The following TSPEAR variants were observed in gnomAD, a reference collection of about 807,000 sequenced individuals.
The protein encoded by TSPEAR is thrombospondin-type laminin G domain and EAR repeat-containing protein.
In TSPEAR, 69 loss-of-function variants were observed where a neutral mutation model predicts 71.6. That is an observed-to-expected ratio of 0.96 (90% CI 0.79 to 1.18). The LOEUF (loss-of-function observed/expected upper bound fraction) is 1.18. TSPEAR is among the 50% of genes most tolerant of loss of function. The pLI is 0.00. For missense variants in TSPEAR, 971 were observed against 894.9 expected (o/e 1.09, Z -1.09); for synonymous variants, 402 against 387.2 (o/e 1.04, Z -0.45).
In TSPEAR at chr21:44,529,882, G is replaced by A; in HGVS notation, c.706C>T (p.Pro236Ser). ...CGTGGGATGGACAGCACCGCCAGCGGGGCGTTCCTGCTGGGACACAGCCTT... is the reference window on the plus strand; with the variant it reads ...CGTGGGATGGACAGCACCGCCAGCGAGGCGTTCCTGCTGGGACACAGCCTT... ...TPRLCPSRNA[P>S]LAVLSIPRVL... Residue 236 changes from proline to serine, a missense_variant, in exon 5 of 12, where the codon CCG (proline) becomes TCG (serine). By Grantham distance (74) the Pro-to-Ser change is moderately conservative. Transcript: ENST00000323084. 3 of 1,613,480 alleles carry A rather than the reference G, an allele frequency of 1.9e-6. No individual in the cohort carries two copies. Among genetic ancestry groups the A allele is most frequent in the Non-Finnish European group, 2.5e-6 (3 of 1,179,914 alleles).
intron 9 of TSPEAR, among the ~76,000 whole-genome samples, chr21:44,510,164 A>G (rs1345132579): frequency 6.6e-6 from 1 of 152,178 alleles, no homozygotes. Context: ...CACAAGGCGG[A>G]AGCTTCTGCC....
rs2052706072 is a variant in TSPEAR at position 44,520,199 on chromosome 21, A to G, written c.1566+1684T>C. On this transcript the variant is annotated intron_variant, in intron 9 of 11. Coordinates refer to ENST00000323084, the MANE Select transcript of TSPEAR (RefSeq NM_144991.3). This position sits in a 1 kb window ranked among gnomAD's most constrained non-coding sequence, Gnocchi z 4.2. ...GCTCACTCCCTCCCAGCCACCGACCAGTCATTATCGTGCAGCCCTGTCAAC... is the reference window on the plus strand; with the variant it reads ...GCTCACTCCCTCCCAGCCACCGACCGGTCATTATCGTGCAGCCCTGTCAAC... 1.3e-5 allele frequency: 2 copies of G among 152,090 alleles called. No homozygotes were observed. Among genetic ancestry groups the G allele is most frequent in the African/African-American group, 2.4e-5 (1 of 41,398 alleles). 9.4% of individuals were successfully genotyped at this position (152,090 alleles called of 1,614,324 possible). A position where few individuals can be genotyped will look rare whatever the true frequency, so the allele number is the denominator to read the frequency against.
intron 1 of TSPEAR, chr21:44,627,407 G>A (rs1555934627): frequency 6.2e-7 from 1 of 1,613,798 alleles, no homozygotes; most frequent in Non-Finnish European, 8.5e-7. Flanking sequence ...ACGCCCTCGT[G>A]CTGCCAGCAG....
At chr21:44,665,154 G>A (rs1181321762) in intron 1 of TSPEAR, among the ~76,000 whole-genome samples, 1 of 152,176 alleles carries the variant, frequency 6.6e-6, no homozygotes, top group Non-Finnish European at 1.5e-5. Flanking sequence ...TTTATCCAAA[G>A]CCTCCCAGTT....
In TSPEAR at chr21:44,695,305, A is replaced by G. The variant is rs1987285645; in HGVS notation, c.82+16128T>C. On this transcript the variant is annotated intron_variant, in intron 1 of 11. Transcript: ENST00000323084. The surrounding 1 kb of genome is among the most constrained non-coding windows in gnomAD (Gnocchi z 4.5). The stretch of plus-strand genomic sequence containing the variant: ...TCTCAGGTACGCAAGTGCACCACAG[A>G]CTCTGATATGTACAGAACAGGCCCC... Among the ~76,000 whole-genome samples the G allele has an allele frequency of 6.6e-6, 1 of 151,716 alleles. No individual in the cohort carries two copies. Among genetic ancestry groups the G allele is most frequent in the Non-Finnish European group, 1.5e-5 (1 of 67,956 alleles).
intron 1 of TSPEAR, among the ~76,000 whole-genome samples, chr21:44,624,175 T>C (rs1323779844): frequency 6.6e-6 from 1 of 152,256 alleles, no homozygotes; most frequent in Non-Finnish European, 1.5e-5. Context: ...TTTGGTTTTG[T>C]CTAATATGTT....
In TSPEAR at chr21:44,506,431, G is replaced by T. The variant is rs916669935; in HGVS notation, c.1755-1550C>A. Among the ~76,000 whole-genome samples the T allele has an allele frequency of 3.9e-5, 6 of 152,266 alleles. No individual in the cohort carries two copies. The highest frequency in any genetic ancestry group is 8.8e-5 in the Non-Finnish European group (6 of 68,042). ...TGTGGCCAGTTCAGGCAGCAGAGGG[G>T]CCTCATCCCGGTGCTTCCCTGCAGG... On this transcript the variant is annotated intron_variant, in intron 10 of 11. Coordinates refer to ENST00000323084, the MANE Select transcript of TSPEAR (RefSeq NM_144991.3). This position sits in a 1 kb window ranked among gnomAD's most constrained non-coding sequence, Gnocchi z 4.2.
rs1440666801 is a variant in TSPEAR, at chr21:44,504,778, A to G, written c.1856+2T>C. ...AGGAGGCCGGCCTCGGCAGCTCATT[A>G]CCTGTAAATAATACTGTTCACCGAG... On this transcript the variant is annotated splice_donor_variant, in intron 11 of 11. Coordinates refer to ENST00000323084, the MANE Select transcript of TSPEAR (RefSeq NM_144991.3). LOFTEE classifies it high-confidence loss of function. 1.9e-5 allele frequency: 30 copies of G among 1,611,614 alleles called. No homozygotes were observed. Among genetic ancestry groups the G allele is most frequent in the Non-Finnish European group, 2.5e-5 (29 of 1,178,008 alleles).
chr21:44,607,182 C>A (rs147034905), intron 1 of TSPEAR, among the ~76,000 whole-genome samples: 1 of 152,144 alleles, frequency 6.6e-6, no homozygotes, highest in Admixed American at 6.5e-5. Context: ...CGGGTTCAAG[C>A]AATTCTTGTG....
chr21:44,525,759 C>G lies in TSPEAR; in HGVS notation c.1230G>C (p.Lys410Asn). The G allele has an allele frequency of 1.2e-6, 2 of 1,614,192 alleles. No homozygotes were observed. The highest frequency in any genetic ancestry group is 1.7e-6 in the Non-Finnish European group (2 of 1,180,042). ...FSVIYKWSHR[K>N]LKFTPYQSIA... ...TGCTCTGATATGGGGTAAACTTCAGCTTTCTGTGGCTCCATTTGTAAATGA... is the reference window on the plus strand; with the variant it reads ...TGCTCTGATATGGGGTAAACTTCAGGTTTCTGTGGCTCCATTTGTAAATGA... Residue 410 changes from lysine to asparagine, a missense_variant, in exon 8 of 12, where the codon AAG becomes AAC. Coordinates refer to ENST00000323084, the MANE Select transcript of TSPEAR (RefSeq NM_144991.3).
intron 1 of TSPEAR, among the ~76,000 whole-genome samples, chr21:44,579,260 C>T (rs2146097684): frequency 6.6e-6 from 1 of 152,254 alleles, no homozygotes; most frequent in Non-Finnish European, 1.5e-5. Flanking sequence ...CAGGAAGACC[C>T]AGGCATGGAG....
At position 44,546,156 on chromosome 21, in the gene TSPEAR, A is replaced by G. The variant is rs1569177959; in HGVS notation, c.304-12233T>C. ...GAATACTATGAAAATTTGTACACCA[A>G]CAAATTAGATAACTAATATGTAATG... On this transcript the variant is annotated intron_variant, in intron 2 of 11. Transcript: ENST00000323084. The surrounding 1 kb of genome is among the most constrained non-coding windows in gnomAD (Gnocchi z 4.4). 6.6e-6 allele frequency among the ~76,000 whole-genome samples: 1 copy of G among 152,198 alleles called. No homozygotes were observed. Among genetic ancestry groups the G allele is most frequent in the Non-Finnish European group, 1.5e-5 (1 of 68,044 alleles).
chr21:44,601,702 G>C (rs782727225), intron 1 of TSPEAR: 15 of 1,611,814 alleles, frequency 9.3e-6, no homozygotes, highest in Non-Finnish European at 1.3e-5. Flanking sequence ...GGCCTGCTGT[G>C]GCCCCACCTC....
intron 1 of TSPEAR, among the ~76,000 whole-genome samples, chr21:44,624,080 C>G (rs1982620017): frequency 6.6e-6 from 1 of 152,160 alleles, no homozygotes; most frequent in African/African-American, 2.4e-5. Flanking sequence ...GCTTACTACT[C>G]CACTTTCTTC....
At position 44,528,562 on chromosome 21, in the gene TSPEAR, A is replaced by T; in HGVS notation, c.812T>A (p.Leu271Gln). The change falls in exon 6 of 12, where the codon CTG (leucine) becomes CAG (glutamine). Residue 271 changes from leucine (L) to glutamine (Q), a missense_variant. Coordinates refer to ENST00000323084, the MANE Select transcript of TSPEAR (RefSeq NM_144991.3). ...CTCGGTACACGGTGGCTGGGGTCCC[A>T]GCGTCACTCGAATGTTGGTTTCTGA... ...YPYETNIRVT[L>Q]GPQPPCTEVE... 1 of 1,614,086 alleles carries T rather than the reference A, an allele frequency of 6.2e-7. No individual in the cohort carries two copies. Among genetic ancestry groups the T allele is most frequent in the South Asian group, 1.1e-5 (1 of 91,074 alleles).
rs117151588 is a variant in TSPEAR at position 44,625,966 on chromosome 21, G to A, written c.83-57961C>T. Among the ~76,000 whole-genome samples the A allele has an allele frequency of 2.8e-4, 42 of 152,346 alleles. No homozygotes were observed. The East Asian group carries it at 7.5e-3, about 27-fold the overall frequency. ...ACAACCTGGGCAGCACTGGTGGGGT[G>A]TGGCAGCTGGCCATAGCTGGTCAAC... On this transcript the variant is annotated intron_variant, in intron 1 of 11. Transcript: ENST00000323084.
At chr21:44,554,649 G>C (rs2053497993) in intron 2 of TSPEAR, among the ~76,000 whole-genome samples, 1 of 152,230 alleles carries the variant, frequency 6.6e-6, no homozygotes. Flanking sequence ...TAGTGTGAGA[G>C]GCCGCTAACC....
rs183227543 is a variant in TSPEAR, at chr21:44,556,319, T to C, written c.303+11466A>G. On this transcript the variant is annotated intron_variant, in intron 2 of 11. Transcript: ENST00000323084. ...TGAACCCGGGAGGCAGAAGTTGTAC[T>C]GAGCGGAGATTGCTCCACTGCACTC... 5.3e-5 allele frequency among the ~76,000 whole-genome samples: 8 copies of C among 152,124 alleles called. No individual in the cohort carries two copies. The East Asian group carries it at 9.7e-4, about 18-fold the overall frequency.
In TSPEAR at chr21:44,703,541, A is replaced by G. The variant is rs1555951840; in HGVS notation, c.82+7892T>C. ...CTGAAGCTGAGTGTCGCTGTGGTCA[A>G]CCAGCTCCTAGGTGGGCTGGGGTGG... On this transcript the variant is annotated intron_variant, in intron 1 of 11. Coordinates refer to ENST00000323084, the MANE Select transcript of TSPEAR (RefSeq NM_144991.3). Among the ~76,000 whole-genome samples, 5 of 152,250 alleles carry G rather than the reference A, an allele frequency of 3.3e-5. 1 individual carries two copies. The highest frequency in any genetic ancestry group is 3.4e-3 in the Middle Eastern group (1 of 294).
Sources: gnomAD v4.1 joint callset for allele counts (sites outside exome capture counted in the v4.1 genomes callset) on GRCh38, gnomAD v4.1.1 for gene constraint, Gnocchi (gnomAD v3.1) non-coding constraint, MANE v1.5 for transcripts, NCBI Gene and HGNC (gene_info 2026-07-23, HGNC 2026-07-21) for gene names.